SLC17A1: variants seen among roughly 807,000 people sequenced by gnomAD.
SLC17A1 encodes sodium-dependent phosphate transport protein 1.
Under a neutral mutation model 53.5 loss-of-function variants are expected in SLC17A1, and 51 were observed. The observed-to-expected ratio is 0.95, with a 90% CI of 0.76 to 1.20. SLC17A1 has a LOEUF of 1.20. Among genes scored for constraint, SLC17A1 ranks in the 50% most tolerant of loss-of-function variants. The pLI is 0.00. For synonymous variants in SLC17A1, 179 were observed against 198.8 expected, an observed-to-expected ratio of 0.90 and a Z score of 0.84; for missense variants, 538 against 568.2, an observed-to-expected ratio of 0.95 and a Z score of 0.54.
chr6:25,825,758 G>T (rs1211191636), intron 3 of SLC17A1, among the ~76,000 whole-genome samples: 2 of 151,750 alleles, frequency 1.3e-5, no homozygotes, highest in African/African-American at 4.8e-5. Flanking sequence ...TATTCTCTCT[G>T]GCATTCTGGT....
chr6:25,830,554 G>T lies in SLC17A1; in HGVS notation c.4C>A (p.Gln2Lys). 1 of 1,613,904 alleles carries T rather than the reference G, an allele frequency of 6.2e-7. No homozygotes were observed. Among genetic ancestry groups the T allele is most frequent in the Non-Finnish European group, 8.5e-7 (1 of 1,179,824 alleles). The change falls in exon 2 of 13, where the codon CAA becomes AAA. Residue 2 changes from glutamine to lysine, a missense_variant. By Grantham distance (53) the Gln-to-Lys change is moderately conservative. Coordinates refer to ENST00000244527, the MANE Select transcript of SLC17A1 (RefSeq NM_005074.5). M[Q>K]MDNRLPPKKV... is the part of the protein sequence containing the mutation. ...TTGGGAGGCAACCGGTTATCCATTT[G>T]CATACACGGCTGAAGTTGCTTCTCT...
At chr6:25,752,707 C>G in the SLC17A1 span, among the ~76,000 whole-genome samples, 1 of 152,160 alleles carries the variant, frequency 6.6e-6, no homozygotes, top group Non-Finnish European at 1.5e-5. Flanking sequence ...AATCCCAGCA[C>G]TTTGCGAGGC....
chr6:25,728,246 C>G, the SLC17A1 span, among the ~76,000 whole-genome samples: 1 of 152,092 alleles, frequency 6.6e-6, no homozygotes, highest in Non-Finnish European at 1.5e-5. Context: ...CTGGAGAACT[C>G]ACAAATCTGG....
chr6:25,756,102 G>A, the SLC17A1 span, among the ~76,000 whole-genome samples: 6 of 152,070 alleles, frequency 3.9e-5, no homozygotes, highest in African/African-American at 1.4e-4. Context: ...CAGCCCATGT[G>A]CCACACAGTG....
the SLC17A1 span, among the ~76,000 whole-genome samples, chr6:25,727,870 C>T: frequency 0.27 from 41,059 of 151,400 alleles, 6,719 homozygotes; most frequent in East Asian, 0.69. Context: ...ATACAAAAAT[C>T]AGGTGGGCGT....
At chr6:25,766,229 C>G in the SLC17A1 span, among the ~76,000 whole-genome samples, 6 of 150,848 alleles carry the variant, frequency 4.0e-5, no homozygotes, top group Non-Finnish European at 7.4e-5. Flanking sequence ...TTATACATGT[C>G]AAAAAACAAC....
the SLC17A1 span, among the ~76,000 whole-genome samples, chr6:25,766,125 A>T: frequency 6.6e-6 from 1 of 150,530 alleles, no homozygotes; most frequent in Non-Finnish European, 1.5e-5. Context: ...TTTAATATTT[A>T]AAATATAATT....
chr6:25,757,465 A>G, the SLC17A1 span, among the ~76,000 whole-genome samples: 1 of 152,066 alleles, frequency 6.6e-6, no homozygotes, highest in Non-Finnish European at 1.5e-5. Flanking sequence ...TAGTCTTCAA[A>G]TAATCTCATT....
chr6:25,827,406 T>C (rs1764789440), intron 2 of SLC17A1, among the ~76,000 whole-genome samples: 4 of 152,304 alleles, frequency 2.6e-5, no homozygotes, highest in African/African-American at 9.6e-5. Context: ...GAACTACTTA[T>C]ACACAACAAT....
the SLC17A1 span, among the ~76,000 whole-genome samples, chr6:25,771,274 G>A: frequency 6.6e-6 from 1 of 152,162 alleles, no homozygotes; most frequent in African/African-American, 2.4e-5. Context: ...CTCATAAAAT[G>A]TTGAAAATAC....
intron 12 of SLC17A1, among the ~76,000 whole-genome samples, chr6:25,798,118 G>A (rs1441473622): frequency 6.6e-6 from 1 of 152,138 alleles, no homozygotes; most frequent in African/African-American, 2.4e-5. Context: ...TGATACTAAT[G>A]ATCATTGATA....
At chr6:25,741,415 C>CAAAAAA in the SLC17A1 span, among the ~76,000 whole-genome samples, 1 of 82,924 alleles carries the variant, frequency 1.2e-5, no homozygotes, top group African/African-American at 5.1e-5. Context: ...ACTAAGAATC[C>CAAAAAA]AAAAAAAAAA....
chr6:25,784,618 C>T (rs568053146), intron 12 of SLC17A1, among the ~76,000 whole-genome samples: 20 of 152,250 alleles, frequency 1.3e-4, no homozygotes, highest in African/African-American at 3.9e-4. Context: ...CCTCGTACTA[C>T]GCCCCACTTT....
Position 25,811,778 on chromosome 6 carries a change from G to A in SLC17A1, c.898-8C>T. On this transcript the variant is annotated splice_region_variant and splice_polypyrimidine_tract_variant and intron_variant, in intron 8 of 12. Transcript: ENST00000244527. ...GGAAGACAAGAACCCATTCTGAAGAGGAAACATTATTCTTGGAGTGAGTTT... is the reference window on the plus strand; with the variant it reads ...GGAAGACAAGAACCCATTCTGAAGAAGAAACATTATTCTTGGAGTGAGTTT... The A allele has an allele frequency of 6.2e-7, 1 of 1,613,478 alleles. No individual in the cohort carries two copies. The highest frequency in any genetic ancestry group is 8.5e-7 in the Non-Finnish European group (1 of 1,179,626).
At chr6:25,755,888 G>GT in the SLC17A1 span, among the ~76,000 whole-genome samples, 1 of 152,158 alleles carries the variant, frequency 6.6e-6, no homozygotes, top group Admixed American at 6.5e-5. Flanking sequence ...TGCTCAAGCC[G>GT]TAAGTCTAGA....
the SLC17A1 span, among the ~76,000 whole-genome samples, chr6:25,724,634 T>C: frequency 1.3e-5 from 2 of 152,256 alleles, no homozygotes; most frequent in South Asian, 2.1e-4. Flanking sequence ...TTCTCTTCTA[T>C]AAAGTCAAGT....
Position 25,819,515 on chromosome 6 carries a change from T to G in SLC17A1, c.525A>C (p.Thr175=), listed in dbSNP as rs1764473558. ...LERGRLTSMS[T]SGFLLGPFIV... is the part of the protein sequence containing the mutation. The stretch of plus-strand genomic sequence containing the variant: ...TTCTAGGCTTTAATTCTTTACCTGA[T>G]GTACTCATAGAAGTAAGTCGGCCTC... Residue 175 remains threonine (T), a synonymous_variant, in exon 5 of 13, where the codon ACA becomes ACC. Coordinates refer to ENST00000244527, the MANE Select transcript of SLC17A1 (RefSeq NM_005074.5). The G allele has an allele frequency of 1.2e-6, 2 of 1,610,234 alleles. No individual in the cohort carries two copies. The highest frequency in any genetic ancestry group is 1.7e-6 in the Non-Finnish European group (2 of 1,176,548).
chr6:25,736,406 C>T, the SLC17A1 span, among the ~76,000 whole-genome samples: 21 of 152,106 alleles, frequency 1.4e-4, no homozygotes, highest in East Asian at 3.9e-4. Context: ...GTACTCATTT[C>T]GGTGAGATTA....
the SLC17A1 span, among the ~76,000 whole-genome samples, chr6:25,736,750 A>G: frequency 5.3e-5 from 8 of 152,326 alleles, no homozygotes; most frequent in South Asian, 1.7e-3. Context: ...GAACTGGACC[A>G]TATTTAACTA....
Sources: allele counts gnomAD v4.1 joint callset (sites outside exome capture counted in the v4.1 genomes callset), GRCh38; gene constraint gnomAD v4.1.1; transcripts MANE v1.5; gene names NCBI Gene and HGNC (gene_info 2026-07-23, HGNC 2026-07-21).